The following BMPR1B variants were observed in gnomAD, a reference collection of about 807,000 sequenced individuals.
BMPR1B encodes bone morphogenetic protein receptor type 1B.
A neutral mutation model predicts 59.1 loss-of-function variants in BMPR1B; 12 were observed. That is an observed-to-expected ratio of 0.20 (90% confidence interval 0.13 to 0.33). The LOEUF is 0.33. BMPR1B is among the 10% of genes least tolerant of loss of function. BMPR1B has a pLI of 1.00. For missense variants in BMPR1B, 550 were observed against 610.9 expected, an observed-to-expected ratio of 0.90 and a Z score of 1.05; for synonymous variants, 237 against 207.3, an observed-to-expected ratio of 1.14 and a Z score of -1.23.
chr4:94,950,438 C>T (rs1000852807), intron 2 of BMPR1B, among the ~76,000 whole-genome samples: 1 of 152,106 alleles, frequency 6.6e-6, no homozygotes, highest in African/African-American at 2.4e-5. Context: ...ATGTTTAAAT[C>T]TTTAATCCAT....
At chr4:94,846,764 T>C (rs1197554631) in intron 1 of BMPR1B, among the ~76,000 whole-genome samples, 3 of 151,750 alleles carry the variant, frequency 2.0e-5, no homozygotes, top group African/African-American at 7.3e-5. Context: ...TCTGTCCTTC[T>C]AGAGAACCCT....
chr4:94,954,247 G>A (rs570899491), intron 2 of BMPR1B, among the ~76,000 whole-genome samples: 4 of 152,174 alleles, frequency 2.6e-5, no homozygotes, highest in East Asian at 1.9e-4. Context: ...AACAGTTCTC[G>A]CTCATTACTA....
At chr4:94,911,426 G>A (rs1268738633) in intron 2 of BMPR1B, among the ~76,000 whole-genome samples, 2 of 152,098 alleles carry the variant, frequency 1.3e-5, no homozygotes, top group African/African-American at 2.4e-5. Context: ...GAAAGCCAGC[G>A]AGATCTTCTC....
At chr4:94,828,475 G>T (rs964302433) in intron 1 of BMPR1B, among the ~76,000 whole-genome samples, 1 of 152,016 alleles carries the variant, frequency 6.6e-6, no homozygotes, top group Admixed American at 6.6e-5. Context: ...GTTAATTACC[G>T]CTCTTTGATT....
intron 1 of BMPR1B, among the ~76,000 whole-genome samples, chr4:94,848,907 C>T (rs977398589): frequency 1.3e-5 from 2 of 152,176 alleles, no homozygotes; most frequent in Non-Finnish European, 2.9e-5. Context: ...TTCCAGATGA[C>T]ATGATGGAGT....
At chr4:95,026,098 A>ATTTCTTTCTTTCCTTCTTTCTTTCTT in intron 3 of BMPR1B, among the ~76,000 whole-genome samples, 2 of 101,716 alleles carry the variant, frequency 2.0e-5, no homozygotes, top group East Asian at 5.3e-4. Flanking sequence ...GCTTTCTTTC[A>ATTTCTTTCTTTCCTTCTTTCTTTCTT]TTTCTTTCTT....
intron 3 of BMPR1B, among the ~76,000 whole-genome samples, chr4:95,012,842 G>T (rs999348786): frequency 6.6e-6 from 1 of 152,046 alleles, no homozygotes; most frequent in Non-Finnish European, 1.5e-5. Context: ...CAATAGTACT[G>T]AGAAGAAGAA....
At chr4:94,785,239 C>T (rs1722721339) in intron 1 of BMPR1B, among the ~76,000 whole-genome samples, 1 of 152,150 alleles carries the variant, frequency 6.6e-6, no homozygotes, top group Non-Finnish European at 1.5e-5. Context: ...CCTGTGCTCA[C>T]CAAAGAATTA....
At chr4:95,145,517 A>G (rs1453386774) in intron 10 of BMPR1B, among the ~76,000 whole-genome samples, 1 of 151,974 alleles carries the variant, frequency 6.6e-6, no homozygotes, top group Admixed American at 6.5e-5. Flanking sequence ...CTCTACTTCC[A>G]TTCCCTTTTT....
chr4:94,996,932 C>A (rs1304315424), intron 3 of BMPR1B, among the ~76,000 whole-genome samples: 1 of 152,140 alleles, frequency 6.6e-6, no homozygotes, highest in Non-Finnish European at 1.5e-5. Flanking sequence ...TATGGTTTTT[C>A]ATATTCTGGA....
intron 3 of BMPR1B, among the ~76,000 whole-genome samples, chr4:95,015,697 A>ATTT (rs36121172): frequency 1.6e-3 from 226 of 145,056 alleles, no homozygotes; most frequent in African/African-American, 5.4e-3. Flanking sequence ...CTGGAACATC[A>ATTT]TTTTTTTTTT....
chr4:94,848,338 A>C (rs1377585400), intron 1 of BMPR1B, among the ~76,000 whole-genome samples: 1 of 152,196 alleles, frequency 6.6e-6, no homozygotes. Context: ...ATGGGGGATA[A>C]ATGGTTATTT....
intron 3 of BMPR1B, among the ~76,000 whole-genome samples, chr4:95,060,136 A>G (rs1197954219): frequency 6.6e-6 from 1 of 152,214 alleles, no homozygotes; most frequent in Non-Finnish European, 1.5e-5. Context: ...GTCGTTTTTA[A>G]CATACAGGTC....
intron 3 of BMPR1B, among the ~76,000 whole-genome samples, chr4:95,063,596 T>G (rs1727572853): frequency 6.6e-6 from 1 of 152,124 alleles, no homozygotes; most frequent in African/African-American, 2.4e-5. Context: ...ATAACATTTC[T>G]TAGAGGAGAA....
At chr4:94,963,168 T>TATTATC (rs1365686857) in intron 2 of BMPR1B, among the ~76,000 whole-genome samples, 1 of 152,226 alleles carries the variant, frequency 6.6e-6, no homozygotes, top group Non-Finnish European at 1.5e-5. Flanking sequence ...TTAATTGGAT[T>TATTATC]ATTATCATTA....
chr4:95,051,601 T>G, intron 3 of BMPR1B: 1 of 1,147,544 alleles, frequency 8.7e-7, no homozygotes, highest in East Asian at 2.6e-5. Flanking sequence ...TGCGAGAAGA[T>G]CTGACAAGAG....
intron 2 of BMPR1B, among the ~76,000 whole-genome samples, chr4:94,957,134 C>T (rs77209398): frequency 1.3e-5 from 2 of 152,210 alleles, no homozygotes; most frequent in Non-Finnish European, 2.9e-5. Context: ...GGCTATTTAC[C>T]TATCTTTCTT....
chr4:95,004,086 C>T (rs1483606171), intron 3 of BMPR1B, among the ~76,000 whole-genome samples: 1 of 152,108 alleles, frequency 6.6e-6, no homozygotes, highest in Admixed American at 6.6e-5. Flanking sequence ...GTAGTTTAAT[C>T]TGCTCTGAAG....
chr4:94,968,203 G>A (rs1204324265), intron 2 of BMPR1B, among the ~76,000 whole-genome samples: 1 of 152,118 alleles, frequency 6.6e-6, no homozygotes, highest in Non-Finnish European at 1.5e-5. Context: ...TGAAAAGGTA[G>A]CCAAAGACTA....
Sources: allele counts gnomAD v4.1 joint callset (sites outside exome capture counted in the v4.1 genomes callset), GRCh38; gene constraint gnomAD v4.1.1; transcripts MANE v1.5; gene names NCBI Gene and HGNC (gene_info 2026-07-23, HGNC 2026-07-21).